Variants in ARHGEF1 observed in about 807,000 individuals in gnomAD.
The protein encoded by ARHGEF1 is Rho guanine nucleotide exchange factor 1, also known as 115 kDa guanine nucleotide exchange factor.
A neutral mutation model predicts 119.7 loss-of-function variants in ARHGEF1; 40 were observed. The ratio of observed to expected loss-of-function variants is 0.33; its 90% CI spans 0.26 to 0.44. The LOEUF (loss-of-function observed/expected upper bound fraction) is 0.44. ARHGEF1 is among the 20% of genes least tolerant of loss of function. The probability of loss-of-function intolerance (pLI) is 1.00; values close to 1 mark genes in which losing one functional copy is unlikely to be tolerated. For missense variants in ARHGEF1, 976 were observed against 1,268.3 expected, an observed-to-expected ratio of 0.77 and a Z score of 3.50; for synonymous variants, 494 against 521.0, an observed-to-expected ratio of 0.95 and a Z score of 0.71.
At chr19:41,885,715 C>T (rs2074284657) in intron 1 of ARHGEF1, among the ~76,000 whole-genome samples, 1 of 152,296 alleles carries the variant, frequency 6.6e-6, no homozygotes, top group South Asian at 2.1e-4. Context: ...CCGCCTTGGT[C>T]TCCCAAAGTG....
chr19:41,925,031 GGA>G (rs1162993113), intron 1 of ARHGEF1, among the ~76,000 whole-genome samples: 2 of 152,280 alleles, frequency 1.3e-5, no homozygotes, highest in Admixed American at 6.5e-5. Context: ...GGGAGGAAAA[GGA>G]GAGAGGTGGC....
In ARHGEF1 at chr19:41,898,585, G is replaced by T; in HGVS notation, c.1265G>T (p.Ser422Ile). Residue 422 changes from serine (S) to isoleucine (I), a missense_variant and splice_region_variant, in exon 14 of 29, where the codon AGC becomes ATC. Transcript: ENST00000354532. ...KSQVKRQEVI[S>I]ELLVTEAAHV... ...CAGGTGAAGCGGCAGGAGGTCATCAGCGGTGAGTACTGCCCCCATCACCCC... is the reference window on the plus strand; with the variant it reads ...CAGGTGAAGCGGCAGGAGGTCATCATCGGTGAGTACTGCCCCCATCACCCC... 6.3e-7 allele frequency: 1 copy of T among 1,585,608 alleles called. No individual in the cohort carries two copies. Among genetic ancestry groups the T allele is most frequent in the Non-Finnish European group, 8.6e-7 (1 of 1,166,558 alleles).
chr19:41,888,694 T>G lies in ARHGEF1; in HGVS notation c.112-58T>G. 6.6e-7 allele frequency: 1 copy of G among 1,525,572 alleles called. No homozygotes were observed. Among genetic ancestry groups the G allele is most frequent in the South Asian group, 1.1e-5 (1 of 88,340 alleles). The allele number at this position is 1,525,572 out of a possible 1,614,324, so 94.5% of individuals were successfully genotyped here. On this transcript the variant is annotated intron_variant, in intron 3 of 28. Transcript: ENST00000354532. The surrounding 1 kb of genome is among the most constrained non-coding windows in gnomAD (Gnocchi z 5.1). ...TGTGAAGTGCCAGGAATGGGTAGGG[T>G]CAACCCTAAGGCCCCTCCTCTTCTC...
chr19:41,895,820 C>T (rs2123447844), intron 12 of ARHGEF1, among the ~76,000 whole-genome samples: 1 of 152,270 alleles, frequency 6.6e-6, no homozygotes, highest in East Asian at 1.9e-4. Context: ...ATTGCTGGCC[C>T]CCTAGGTGGG....
Position 41,906,487 on chromosome 19 carries a change from C to A in ARHGEF1, c.2522C>A (p.Ala841Glu), listed in dbSNP as rs375950739. The change falls in exon 27 of 29, where the codon GCG (alanine) becomes GAG (glutamate). Residue 841 changes from alanine (A) to glutamate (E), a missense_variant. Physicochemically the swap from Ala to Glu is moderately radical, Grantham distance 107. Coordinates refer to ENST00000354532, the MANE Select transcript of ARHGEF1 (RefSeq NM_004706.4). This position sits in a 1 kb window ranked among gnomAD's most constrained non-coding sequence, Gnocchi z 4.5. ...VLSLKQLLFP[A>E]EEDNGAGPPR... Reference sequence around the variant, plus strand: ...TCCCTGAAGCAGCTTCTGTTTCCGGCGGAGGAAGACAATGGGGCGGGGCCT... The same window carrying A: ...TCCCTGAAGCAGCTTCTGTTTCCGGAGGAGGAAGACAATGGGGCGGGGCCT... 4.4e-6 allele frequency: 7 copies of A among 1,577,018 alleles called. No individual in the cohort carries two copies. Among genetic ancestry groups the A allele is most frequent in the Non-Finnish European group, 4.3e-6 (5 of 1,169,030 alleles).
At position 41,892,163 on chromosome 19, in the gene ARHGEF1, T is replaced by G; in HGVS notation, c.324+40T>G. The G allele has an allele frequency of 1.9e-6, 3 of 1,588,062 alleles. No individual in the cohort carries two copies. Among genetic ancestry groups the G allele is most frequent in the Non-Finnish European group, 2.6e-6 (3 of 1,159,936 alleles). ...AGCTGCCCCAACCCTGCAATCCCTG[T>G]TTGGGCCTGCAGAGTCACCATGCGG... On this transcript the variant is annotated intron_variant, in intron 5 of 28. Transcript: ENST00000354532. The surrounding 1 kb of genome is among the most constrained non-coding windows in gnomAD (Gnocchi z 6.3).
In ARHGEF1 at chr19:41,903,828, GC is replaced by G. The variant is rs1309009623; in HGVS notation, c.1917+47del. 16 of 1,598,260 alleles carry G rather than the reference GC, an allele frequency of 1.0e-5. No individual in the cohort carries two copies. The highest frequency in any genetic ancestry group is 3.3e-4 in the Middle Eastern group (2 of 6,010). On this transcript the variant is annotated intron_variant, in intron 20 of 28. Coordinates refer to ENST00000354532, the MANE Select transcript of ARHGEF1 (RefSeq NM_004706.4). This position sits in a 1 kb window ranked among gnomAD's most constrained non-coding sequence, Gnocchi z 4.2. The stretch of plus-strand genomic sequence containing the variant: ...GCCTCCCCCGCCCCCCTACTCCTTG[GC>G]CCAGGGGATTCTGTGATACAGCCCC...
rs1323082283 is a variant in ARHGEF1 at position 41,905,544 on chromosome 19, C to T, written c.2337-216C>T. On this transcript the variant is annotated intron_variant, in intron 24 of 28. Coordinates refer to ENST00000354532, the MANE Select transcript of ARHGEF1 (RefSeq NM_004706.4). The surrounding 1 kb of genome is among the most constrained non-coding windows in gnomAD (Gnocchi z 6.4). ...ATGTGCATGCATGTGTGTGTGTGTG[C>T]GCATGTGCCGACCCCACCACTGCCC... The T allele has an allele frequency of 1.6e-5, 10 of 615,338 alleles. No homozygotes were observed. Among genetic ancestry groups the T allele is most frequent in the East Asian group, 1.4e-4 (5 of 36,400 alleles). The allele number at this position is 615,338 out of a possible 1,614,324, so 38.1% of individuals were successfully genotyped here. A position where few individuals can be genotyped will look rare whatever the true frequency, so the allele number is the denominator to read the frequency against.
chr19:41,906,047 A>G lies in ARHGEF1; in HGVS notation c.2491+22A>G, dbSNP rs1555850113. Reference sequence around the variant, plus strand: ...AAAGGTAGCCCAGCTCTGCCCCTCCAGGGTGGCCACCAGCCCAAACAGTGC... The same window carrying G: ...AAAGGTAGCCCAGCTCTGCCCCTCCGGGGTGGCCACCAGCCCAAACAGTGC... On this transcript the variant is annotated intron_variant, in intron 26 of 28. Coordinates refer to ENST00000354532, the MANE Select transcript of ARHGEF1 (RefSeq NM_004706.4). The surrounding 1 kb of genome is among the most constrained non-coding windows in gnomAD (Gnocchi z 4.5). The G allele has an allele frequency of 5.6e-6, 9 of 1,610,734 alleles. No homozygotes were observed. The highest frequency in any genetic ancestry group is 6.8e-6 in the Non-Finnish European group (8 of 1,177,764).
rs782662069 is a variant in ARHGEF1, at chr19:41,906,566, C to T, written c.2601C>T (p.Thr867=). ...PGGGPLSPAR[T]QEIQENLLSL... ...GCGGCCCCCTGAGCCCAGCACGGAC[C>T]CAGGAAATCCAGGAGAACCTGCTCA... The change falls in exon 27 of 29, where the codon ACC becomes ACT. Residue 867 remains threonine (T), a synonymous_variant. Transcript: ENST00000354532. The surrounding 1 kb of genome is among the most constrained non-coding windows in gnomAD (Gnocchi z 4.5). The T allele has an allele frequency of 6.2e-7, 1 of 1,600,726 alleles. No homozygotes were observed. Among genetic ancestry groups the T allele is most frequent in the Non-Finnish European group, 8.5e-7 (1 of 1,176,340 alleles).
At chr19:41,908,181 A>G, downstream of ARHGEF1, 1 of 1,225,752 alleles carries the variant, frequency 8.2e-7, no homozygotes, top group Non-Finnish European at 1.0e-6. This position sits in a 1 kb window ranked among gnomAD's most constrained non-coding sequence, Gnocchi z 6.7. Flanking sequence ...GCAGACGGGC[A>G]GCCACCCTGG....
chr19:41,922,323 G>A (rs2074847218), upstream of ARHGEF1, among the ~76,000 whole-genome samples: 1 of 152,152 alleles, frequency 6.6e-6, no homozygotes, highest in South Asian at 2.1e-4. Flanking sequence ...AGATCAAAGG[G>A]ACAGAAAGCA....
rs782366048 is a variant in ARHGEF1 at position 41,901,940 on chromosome 19, C to A, written c.1321C>A (p.Leu441Ile). ...HVRMLRVLHDLFFQPMAECLF... is the reference protein window; with the variant it reads ...HVRMLRVLHDIFFQPMAECLF... ...GCGCATGCTGCGGGTGCTGCACGACCTCTTCTTCCAGCCCATGGCAGAATG... is the reference window on the plus strand; with the variant it reads ...GCGCATGCTGCGGGTGCTGCACGACATCTTCTTCCAGCCCATGGCAGAATG... The change falls in exon 15 of 29, where the codon CTC becomes ATC. Residue 441 changes from leucine (L) to isoleucine (I), a missense_variant. Leu to Ile is a conservative substitution (Grantham distance 5). Coordinates refer to ENST00000354532, the MANE Select transcript of ARHGEF1 (RefSeq NM_004706.4). 3.7e-6 allele frequency: 6 copies of A among 1,613,832 alleles called. No homozygotes were observed. In the South Asian group the frequency reaches 6.6e-5, roughly 18 times the overall value.
rs781895882 is a variant in ARHGEF1 at position 41,896,386 on chromosome 19, C to G, written c.1025C>G (p.Ala342Gly). The change falls in exon 13 of 29, where the codon GCC becomes GGC. Residue 342 changes from alanine to glycine, a missense_variant. Physicochemically the swap from Ala to Gly is moderately conservative, Grantham distance 60 (BLOSUM62 0). Coordinates refer to ENST00000354532, the MANE Select transcript of ARHGEF1 (RefSeq NM_004706.4). ...TCCCTCCACCCCACAGGTGCTGACG[C>G]CCCCCTGGAGCTGGGGGACTCATCC... Reference protein sequence around the residue: ...DSPDREPGADAPLELGDSSPQ... With the variant: ...DSPDREPGADGPLELGDSSPQ... 6 of 1,432,252 alleles carry G rather than the reference C, an allele frequency of 4.2e-6. No individual in the cohort carries two copies. Among genetic ancestry groups the G allele is most frequent in the Admixed American group, 5.8e-5 (2 of 34,620 alleles). 88.7% of individuals were successfully genotyped at this position (1,432,252 alleles called of 1,614,324 possible). A position where few individuals can be genotyped will look rare whatever the true frequency, so the allele number is the denominator to read the frequency against.
Position 41,903,730 on chromosome 19 carries a change from C to G in ARHGEF1, c.1863C>G (p.Arg621=), listed in dbSNP as rs782692415. Residue 621 remains arginine (R), a synonymous_variant, in exon 20 of 29, where the codon CGC becomes CGG. Coordinates refer to ENST00000354532, the MANE Select transcript of ARHGEF1 (RefSeq NM_004706.4). The surrounding 1 kb of genome is among the most constrained non-coding windows in gnomAD (Gnocchi z 4.2). Reference sequence around the variant, plus strand: ...AGAGGCTCAAGGACTATCAGCGGCGCCTGGACTTGTCCCACCTTCGGCAGA... The same window carrying G: ...AGAGGCTCAAGGACTATCAGCGGCGGCTGGACTTGTCCCACCTTCGGCAGA... The part of the protein sequence containing the change: ...DLLRLKDYQR[R]LDLSHLRQSS... The G allele has an allele frequency of 6.2e-7, 1 of 1,613,158 alleles. No homozygotes were observed. The highest frequency in any genetic ancestry group is 8.5e-7 in the Non-Finnish European group (1 of 1,180,004).
At chr19:41,894,919 G>T (rs1655136434) in intron 11 of ARHGEF1, among the ~76,000 whole-genome samples, 1 of 111,478 alleles carries the variant, frequency 9.0e-6, no homozygotes, top group Non-Finnish European at 1.5e-5. Flanking sequence ...TCTGAGGGAG[G>T]AGGGGCTGGG....
chr19:41,922,545 T>C (rs1555852597), upstream of ARHGEF1, among the ~76,000 whole-genome samples: 1 of 149,890 alleles, frequency 6.7e-6, no homozygotes, highest in Admixed American at 6.6e-5. Context: ...AGAAATGGGG[T>C]CAAAGACCCA....
In ARHGEF1 at chr19:41,902,354, C is replaced by G. The variant is rs1399293813; in HGVS notation, c.1495C>G (p.Arg499Gly). The change falls in exon 16 of 29, where the codon CGG (arginine) becomes GGG (glycine). Residue 499 changes from arginine to glycine, a missense_variant and splice_region_variant. Around this residue, in one of 3 missense-constraint regions of ARHGEF1, gnomAD observed 286 missense variants for 506.8 expected, o/e 0.56. Coordinates refer to ENST00000354532, the MANE Select transcript of ARHGEF1 (RefSeq NM_004706.4). This position sits in a 1 kb window ranked among gnomAD's most constrained non-coding sequence, Gnocchi z 6.5. ...GGAGATCGGAGACGTGCTGCTGGCC[C>G]GGGTGAGATGCCCAGCCCTCCCGCT... ...IEEIGDVLLA[R>G]FDGAEGSWFQ... The G allele has an allele frequency of 2.5e-6, 4 of 1,613,932 alleles. No homozygotes were observed. Among genetic ancestry groups the G allele is most frequent in the Non-Finnish European group, 3.4e-6 (4 of 1,180,024 alleles).
rs1436716408 is a variant in ARHGEF1 at position 41,883,649 on chromosome 19, T to C, written c.-20+360T>C. Among the ~76,000 whole-genome samples, 2 of 151,382 alleles carry C rather than the reference T, an allele frequency of 1.3e-5. No individual in the cohort carries two copies. The highest frequency in any genetic ancestry group is 2.4e-5 in the African/African-American group (1 of 41,132). ...ACGCACATCGTGAGAAAGTGTGGAGTTGGGATTTGAACTCGCACGTGCTTT... is the reference window on the plus strand; with the variant it reads ...ACGCACATCGTGAGAAAGTGTGGAGCTGGGATTTGAACTCGCACGTGCTTT... On this transcript the variant is annotated intron_variant, in intron 1 of 28. Transcript: ENST00000354532. The surrounding 1 kb of genome is among the most constrained non-coding windows in gnomAD (Gnocchi z 7.6).
Sources: gnomAD v4.1 joint callset for allele counts (sites outside exome capture counted in the v4.1 genomes callset) on GRCh38, gnomAD v4.1.1 for gene constraint, gnomAD v4.1.1 regional missense constraint, Gnocchi (gnomAD v3.1) non-coding constraint, MANE v1.5 for transcripts, NCBI Gene and HGNC (gene_info 2026-07-23, HGNC 2026-07-21) for gene names.